CEP126: variants seen among roughly 807,000 people sequenced by gnomAD.
The protein encoded by CEP126 is centrosomal protein 126.
In CEP126, 74 loss-of-function variants were observed where a neutral mutation model predicts 107.8. The observed-to-expected ratio is 0.69, with a 90% CI of 0.57 to 0.83. The LOEUF is 0.83. Ranked by LOEUF, CEP126 falls within the 40% of genes least tolerant of loss-of-function variation. The probability of loss-of-function intolerance (pLI) is 0.00; values close to 1 mark genes in which losing one functional copy is unlikely to be tolerated. For missense variants in CEP126, 1,237 were observed against 1,281.9 expected (o/e 0.96, Z 0.53); for synonymous variants, 449 against 446.0 (o/e 1.01, Z -0.08).
chr11:101,961,759 A>T lies in CEP126; in HGVS notation c.724A>T (p.Asn242Tyr). The T allele has an allele frequency of 6.5e-7, 1 of 1,534,938 alleles. No homozygotes were observed. Among genetic ancestry groups the T allele is most frequent in the Non-Finnish European group, 8.8e-7 (1 of 1,140,784 alleles). Reference sequence around the variant, plus strand: ...TTTCCAGAAATTTTGTGATGAAGTTAATCAGATAACCAATTCTGAAACCCT... The same window carrying T: ...TTTCCAGAAATTTTGTGATGAAGTTTATCAGATAACCAATTCTGAAACCCT... ...SNLQKFCDEV[N>Y]QITNSETLSS... Residue 242 changes from asparagine to tyrosine, a missense_variant, in exon 6 of 11, where the codon AAT becomes TAT. This residue lies in a region of CEP126 where 1,134 missense variants were observed against 1,150.5 expected (regional missense o/e 0.99). Transcript: ENST00000263468.
intron 6 of CEP126, among the ~76,000 whole-genome samples, chr11:101,975,758 C>T (rs1284002093): frequency 6.6e-6 from 1 of 152,076 alleles, no homozygotes; most frequent in African/African-American, 2.4e-5. Flanking sequence ...CTGAAATAGG[C>T]CCCAGTGTCT....
Position 101,922,703 on chromosome 11 carries a change from A to C in CEP126, c.191A>C (p.Gln64Pro), listed in dbSNP as rs1163104880. 6.2e-7 allele frequency: 1 copy of C among 1,610,858 alleles called. No homozygotes were observed. Reference protein sequence around the residue: ...EEERQILLQQQKICRNRARKY... With the variant: ...EEERQILLQQPKICRNRARKY... ...GAGCGCCAGATATTACTGCAGCAAC[A>C]AAAAATATGTCGAAATCGAGCACGT... The change falls in exon 2 of 11, where the codon CAA (glutamine) becomes CCA (proline). Residue 64 changes from glutamine (Q) to proline (P), a missense_variant. This residue lies in a region of CEP126 where 1,134 missense variants were observed against 1,150.5 expected (regional missense o/e 0.99). Coordinates refer to ENST00000263468, the MANE Select transcript of CEP126 (RefSeq NM_020802.4).
rs781023284 is a variant in CEP126 at position 101,963,316 on chromosome 11, G to A, written c.2281G>A (p.Gly761Arg). 5.0e-6 allele frequency: 8 copies of A among 1,613,828 alleles called. No homozygotes were observed. The Admixed American group carries it at 1.3e-4, about 27-fold the overall frequency. Reference protein sequence around the residue: ...RGRAKIIRKPGSAKVQSGFIC... With the variant: ...RGRAKIIRKPRSAKVQSGFIC... ...TAGAGCAAAAATAATTAGAAAACCAGGATCTGCAAAAGTCCAATCAGGCTT... is the reference window on the plus strand; with the variant it reads ...TAGAGCAAAAATAATTAGAAAACCAAGATCTGCAAAAGTCCAATCAGGCTT... The change falls in exon 6 of 11, where the codon GGA (glycine) becomes AGA (arginine). Residue 761 changes from glycine to arginine, a missense_variant. This residue lies in a region of CEP126 where 1,134 missense variants were observed against 1,150.5 expected (regional missense o/e 0.99). Coordinates refer to ENST00000263468, the MANE Select transcript of CEP126 (RefSeq NM_020802.4).
intron 2 of CEP126, among the ~76,000 whole-genome samples, chr11:101,935,352 T>C (rs1940561249): frequency 6.6e-6 from 1 of 152,042 alleles, no homozygotes; most frequent in Non-Finnish European, 1.5e-5. Flanking sequence ...AGTTTTACAT[T>C]GTGATGACGT....
chr11:101,979,546 A>G (rs1249000887), intron 7 of CEP126, among the ~76,000 whole-genome samples: 1 of 152,102 alleles, frequency 6.6e-6, no homozygotes, highest in Non-Finnish European at 1.5e-5. Context: ...TCAGGAGTTC[A>G]AGACCAGCAT....
At chr11:101,938,401 ATTTT>A (rs199954098) in intron 2 of CEP126, among the ~76,000 whole-genome samples, 1 of 113,036 alleles carries the variant, frequency 8.8e-6, no homozygotes, top group Non-Finnish European at 2.0e-5. Flanking sequence ...TGTTTTCTCT[ATTTT>A]TTTTTTTTTT....
At chr11:101,959,334 T>C (rs976818390) in intron 5 of CEP126, among the ~76,000 whole-genome samples, 19 of 152,024 alleles carry the variant, frequency 1.2e-4, no homozygotes, top group Non-Finnish European at 4.4e-5. Context: ...TTTTGTACTT[T>C]TAGTAGAGAC....
At chr11:101,928,505 G>A (rs907528403) in intron 2 of CEP126, among the ~76,000 whole-genome samples, 1 of 152,146 alleles carries the variant, frequency 6.6e-6, no homozygotes, top group African/African-American at 2.4e-5. Context: ...ATGTTTTACA[G>A]TTAAGTCTGT....
chr11:101,948,536 G>GA (rs1940769830), intron 4 of CEP126, among the ~76,000 whole-genome samples: 1 of 152,096 alleles, frequency 6.6e-6, no homozygotes, highest in Admixed American at 6.6e-5. Flanking sequence ...TTTCCTCACT[G>GA]AAAATCTCTC....
In CEP126 at chr11:101,963,128, T is replaced by C; in HGVS notation, c.2093T>C (p.Val698Ala). 6.2e-7 allele frequency: 1 copy of C among 1,614,118 alleles called. No homozygotes were observed. The highest frequency in any genetic ancestry group is 2.2e-5 in the East Asian group (1 of 44,870). The change falls in exon 6 of 11, where the codon GTT (valine) becomes GCT (alanine). Residue 698 changes from valine to alanine, a missense_variant. Val to Ala is a moderately conservative substitution (Grantham distance 64). Coordinates refer to ENST00000263468, the MANE Select transcript of CEP126 (RefSeq NM_020802.4). ...KSREDSISEN[V>A]TTLGGSGADH... is the part of the protein sequence containing the mutation. ...AGGGAGGATTCTATCTCTGAAAATG[T>C]TACGACTTTAGGAGGATCTGGAGCA...
intron 8 of CEP126, among the ~76,000 whole-genome samples, chr11:101,985,270 A>C (rs1315931354): frequency 2.0e-5 from 3 of 151,978 alleles, no homozygotes; most frequent in African/African-American, 7.2e-5. Flanking sequence ...GGTATATATG[A>C]AACATAAATG....
chr11:101,954,688 G>C (rs1591280932), intron 4 of CEP126, among the ~76,000 whole-genome samples: 1 of 151,930 alleles, frequency 6.6e-6, no homozygotes, highest in East Asian at 1.9e-4. Flanking sequence ...AAAACAACAA[G>C]TGTATACAAT....
At chr11:101,916,603 G>T (rs1307276938) in intron 1 of CEP126, 1 of 152,122 alleles carries the variant, frequency 6.6e-6, no homozygotes, top group Non-Finnish European at 1.5e-5. Context: ...ACTCTGAAAT[G>T]AACACAATCA....
At chr11:101,969,998 T>C (rs11225093) in intron 6 of CEP126, among the ~76,000 whole-genome samples, 57,791 of 152,030 alleles carry the variant, frequency 0.38, 11,206 homozygotes, top group East Asian at 0.51. Flanking sequence ...ACATTTATAA[T>C]TTAGGATGGA....
At chr11:101,984,819 G>T (rs1269301412) in intron 8 of CEP126, among the ~76,000 whole-genome samples, 1 of 152,146 alleles carries the variant, frequency 6.6e-6, no homozygotes, top group East Asian at 1.9e-4. Flanking sequence ...TGCCTCAGCT[G>T]CTTCTGATGT....
chr11:101,945,134 A>G (rs921719777), intron 3 of CEP126, among the ~76,000 whole-genome samples: 1 of 152,178 alleles, frequency 6.6e-6, no homozygotes, highest in African/African-American at 2.4e-5. Flanking sequence ...GATAATTGCT[A>G]TGGTAGCAGA....
chr11:101,973,055 T>C (rs1941152226), intron 6 of CEP126, among the ~76,000 whole-genome samples: 1 of 152,238 alleles, frequency 6.6e-6, no homozygotes, highest in Non-Finnish European at 1.5e-5. Context: ...TTCATTCTCC[T>C]ATCACTGGAC....
At chr11:101,931,297 A>T (rs961919032) in intron 2 of CEP126, among the ~76,000 whole-genome samples, 1 of 152,102 alleles carries the variant, frequency 6.6e-6, no homozygotes, top group Non-Finnish European at 1.5e-5. Flanking sequence ...ATTGAGGGTA[A>T]TTTTCAACAT....
chr11:101,916,572 A>T (rs1473390614), intron 1 of CEP126: 1 of 152,140 alleles, frequency 6.6e-6, no homozygotes, highest in East Asian at 1.9e-4. Flanking sequence ...GCTGCTCCCC[A>T]AAATTGCCCT....
Sources: gnomAD v4.1 joint callset for allele counts (sites outside exome capture counted in the v4.1 genomes callset) on GRCh38, gnomAD v4.1.1 for gene constraint, gnomAD v4.1.1 regional missense constraint, MANE v1.5 for transcripts, NCBI Gene and HGNC (gene_info 2026-07-23, HGNC 2026-07-21) for gene names.